The following UBE2R2 variants were observed in gnomAD, a reference collection of about 807,000 sequenced individuals.
UBE2R2 encodes ubiquitin-conjugating enzyme E2 R2.
Under a neutral mutation model 27.8 loss-of-function variants are expected in UBE2R2, and 1 was observed. The observed-to-expected ratio is 0.04, with a 90% CI of 0.01 to 0.17. UBE2R2 has a LOEUF of 0.17. Ranked by LOEUF, UBE2R2 falls within the 10% of genes least tolerant of loss-of-function variation. UBE2R2 has a pLI of 1.00. For synonymous variants in UBE2R2, 106 were observed against 113.3 expected, an observed-to-expected ratio of 0.94 and a Z score of 0.41; for missense variants, 100 against 291.0, an observed-to-expected ratio of 0.34 and a Z score of 4.78.
chr9:33,912,069 A>G lies in UBE2R2; in HGVS notation c.468A>G (p.Gly156=). ...VMFRKWRDSK[G]KDKEYAEIIR... is the part of the protein sequence containing the mutation. ...TCAGGAAATGGAGAGACAGTAAAGG[A>G]AAAGACAAAGAATATGCTGAAATTA... is the stretch of plus-strand genomic sequence containing the variant. The change falls in exon 4 of 5, where the codon GGA becomes GGG. Residue 156 remains glycine, a synonymous_variant. Transcript: ENST00000263228. 10 of 1,612,510 alleles carry G rather than the reference A, an allele frequency of 6.2e-6. No individual in the cohort carries two copies. Among genetic ancestry groups the G allele is most frequent in the Non-Finnish European group, 8.5e-6 (10 of 1,179,460 alleles).
In UBE2R2 at chr9:33,900,171, T is replaced by C; in HGVS notation, c.265-3T>C. The C allele has an allele frequency of 6.2e-7, 1 of 1,610,614 alleles. No homozygotes were observed. On this transcript the variant is annotated splice_region_variant and splice_polypyrimidine_tract_variant and intron_variant, in intron 2 of 4. Transcript: ENST00000263228. The stretch of plus-strand genomic sequence containing the variant: ...TACTGAATGTAATGTTTGTGTCTTG[T>C]AGAATGGAGATGTATGCATTTCGAT...
At chr9:33,906,967 G>A (rs894173006) in intron 3 of UBE2R2, among the ~76,000 whole-genome samples, 1 of 152,188 alleles carries the variant, frequency 6.6e-6, no homozygotes, top group African/African-American at 2.4e-5. Context: ...AGTGGTCAAG[G>A]CTTCAGTGAG....
At chr9:33,872,007 C>T (rs10971755) in intron 1 of UBE2R2, among the ~76,000 whole-genome samples, 12,007 of 152,056 alleles carry the variant, frequency 0.079, 685 homozygotes, top group Non-Finnish European at 0.12. Flanking sequence ...CCACTGCACC[C>T]GGCCTATTTC....
At chr9:33,839,481 A>G (rs993061129) in intron 1 of UBE2R2, among the ~76,000 whole-genome samples, 3 of 151,902 alleles carry the variant, frequency 2.0e-5, no homozygotes, top group African/African-American at 7.3e-5. Context: ...CAGGTGATCC[A>G]CCCGCCTCAG....
rs1451785933 is a variant in UBE2R2, at chr9:33,842,494, A to C, written c.177+24560A>C. 2.0e-5 allele frequency among the ~76,000 whole-genome samples: 3 copies of C among 152,158 alleles called. 1 individual carries two copies. The highest frequency in any genetic ancestry group is 4.1e-4 in the South Asian group (2 of 4,830). On this transcript the variant is annotated intron_variant, in intron 1 of 4. Transcript: ENST00000263228. ...TGCAGGTCTCATTAAGAATTGAATT[A>C]ATTTTGGAGGGATGGATAATTGCAT...
At chr9:33,823,232 C>T (rs1820197206) in intron 1 of UBE2R2, among the ~76,000 whole-genome samples, 1 of 151,326 alleles carries the variant, frequency 6.6e-6, no homozygotes, top group Non-Finnish European at 1.5e-5. Flanking sequence ...GAGACAGAGT[C>T]TCGCTATGTT....
intron 1 of UBE2R2, among the ~76,000 whole-genome samples, chr9:33,839,353 T>C (rs1820682318): frequency 6.6e-6 from 1 of 152,124 alleles, no homozygotes; most frequent in Admixed American, 6.6e-5. Flanking sequence ...TTCTCCTGCC[T>C]CAGCCTCCCA....
intron 1 of UBE2R2, among the ~76,000 whole-genome samples, chr9:33,877,328 C>A (rs557222097): frequency 6.6e-6 from 1 of 151,824 alleles, no homozygotes; most frequent in African/African-American, 2.4e-5. Context: ...ACTACTGGTG[C>A]CCGGCACCCA....
intron 1 of UBE2R2, among the ~76,000 whole-genome samples, chr9:33,829,735 G>C (rs1820402630): frequency 6.7e-6 from 1 of 150,338 alleles, no homozygotes; most frequent in African/African-American, 2.4e-5. Context: ...TTCCTCATTT[G>C]AGTCTAGTGA....
intron 1 of UBE2R2, among the ~76,000 whole-genome samples, chr9:33,839,844 A>G (rs578231648): frequency 2.6e-5 from 4 of 152,206 alleles, no homozygotes; most frequent in African/African-American, 9.6e-5. Flanking sequence ...AAAAAATCTA[A>G]TAAGTTAGCC....
At chr9:33,838,711 CTCCTTCTTG>C (rs1403833238) in intron 1 of UBE2R2, among the ~76,000 whole-genome samples, 4 of 152,094 alleles carry the variant, frequency 2.6e-5, no homozygotes, top group Non-Finnish European at 4.4e-5. Context: ...AGCTCTTTAC[CTCCTTCTTG>C]TCCTTTGCCC....
At chr9:33,898,238 C>T (rs1490325528) in intron 2 of UBE2R2, among the ~76,000 whole-genome samples, 1 of 151,906 alleles carries the variant, frequency 6.6e-6, no homozygotes, top group Non-Finnish European at 1.5e-5. Context: ...GGTGCCACCA[C>T]GCCCAGTTAA....
At position 33,917,242 on chromosome 9, in the gene UBE2R2, C is replaced by T. The variant is rs187812808; in HGVS notation, c.*5C>T. ...TCTGGGAATGAGGAGTCGTGACGTG[C>T]TCCTTCAGTGCCCCTGTACTGCCCT... On this transcript the variant is annotated 3_prime_UTR_variant, in exon 5 of 5. Transcript: ENST00000263228. The T allele has an allele frequency of 2.9e-4, 460 of 1,613,860 alleles. 1 individual carries two copies. The highest frequency in any genetic ancestry group is 1.8e-3 in the Middle Eastern group (11 of 6,030).
At chr9:33,907,993 T>A (rs1822398746) in intron 3 of UBE2R2, among the ~76,000 whole-genome samples, 1 of 152,110 alleles carries the variant, frequency 6.6e-6, no homozygotes, top group African/African-American at 2.4e-5. Flanking sequence ...TACACCTGGC[T>A]AATTTTTAGT....
At chr9:33,878,931 CT>C (rs527327602) in intron 1 of UBE2R2, among the ~76,000 whole-genome samples, 158 of 152,232 alleles carry the variant, frequency 1.0e-3, no homozygotes, top group African/African-American at 3.6e-3. Context: ...TCTTTTATTG[CT>C]TTTCCCTCGG....
At chr9:33,890,137 T>C (rs1190532452) in intron 2 of UBE2R2, among the ~76,000 whole-genome samples, 2 of 152,146 alleles carry the variant, frequency 1.3e-5, no homozygotes, top group Non-Finnish European at 2.9e-5. Context: ...CTTTCCACTT[T>C]TTTTTCAGTA....
At chr9:33,910,923 C>T (rs529812092) in intron 3 of UBE2R2, among the ~76,000 whole-genome samples, 1 of 151,978 alleles carries the variant, frequency 6.6e-6, no homozygotes, top group East Asian at 1.9e-4. Flanking sequence ...GCCAACATGG[C>T]GAAACCCTGT....
chr9:33,891,893 C>T (rs888130765), intron 2 of UBE2R2, among the ~76,000 whole-genome samples: 9 of 151,986 alleles, frequency 5.9e-5, no homozygotes, highest in African/African-American at 1.2e-4. Context: ...GTTCACCAGG[C>T]GTAGTGGCAC....
chr9:33,896,606 AT>A (rs60575205), intron 2 of UBE2R2, among the ~76,000 whole-genome samples: 57,246 of 139,406 alleles, frequency 0.41, 11,061 homozygotes, highest in South Asian at 0.49. Flanking sequence ...ATGACTGGCT[AT>A]TTTTTTTTTT....
Sources: allele counts gnomAD v4.1 joint callset (sites outside exome capture counted in the v4.1 genomes callset), GRCh38; gene constraint gnomAD v4.1.1; transcripts MANE v1.5; gene names NCBI Gene and HGNC (gene_info 2026-07-23, HGNC 2026-07-21).